The following GLT1D1 variants were observed in gnomAD, a reference collection of about 807,000 sequenced individuals.
GLT1D1 encodes glycosyltransferase 1 domain-containing protein 1.
A neutral mutation model predicts 28.7 loss-of-function variants in GLT1D1; 21 were observed. The observed-to-expected ratio is 0.73, with a 90% CI of 0.52 to 1.05. GLT1D1 has a LOEUF of 1.05. Ranked by LOEUF, GLT1D1 falls within the 50% of genes least tolerant of loss-of-function variation. GLT1D1 has a pLI of 0.00. For synonymous variants in GLT1D1, 147 were observed against 124.8 expected (o/e 1.18, Z -1.19); for missense variants, 343 against 330.6 (o/e 1.04, Z -0.29).
intron 4 of GLT1D1, among the ~76,000 whole-genome samples, chr12:128,911,082 G>C (rs887964955): frequency 2.6e-5 from 4 of 152,080 alleles, no homozygotes; most frequent in African/African-American, 9.7e-5. Context: ...GGCGCATGCC[G>C]CCACACCCGG....
intron 3 of GLT1D1, among the ~76,000 whole-genome samples, chr12:128,889,166 C>G (rs1223467655): frequency 2.0e-5 from 3 of 152,066 alleles, no homozygotes; most frequent in Non-Finnish European, 4.4e-5. Flanking sequence ...ATGTAGAAAA[C>G]ACGAATCACA....
At chr12:128,886,615 C>CAG (rs75130933) in intron 2 of GLT1D1, among the ~76,000 whole-genome samples, 29,664 of 151,998 alleles carry the variant, frequency 0.2, 3,437 homozygotes, top group Admixed American at 0.27. Context: ...CCTCCATGTC[C>CAG]AGAGCCATCA....
chr12:128,931,669 C>T (rs1476780288), intron 4 of GLT1D1, among the ~76,000 whole-genome samples: 6 of 152,158 alleles, frequency 3.9e-5, no homozygotes, highest in Non-Finnish European at 7.3e-5. Flanking sequence ...TTGCCTGCTT[C>T]TGAAAGCACA....
chr12:128,955,058 C>T (rs1225946441), intron 6 of GLT1D1, among the ~76,000 whole-genome samples: 2 of 152,160 alleles, frequency 1.3e-5, no homozygotes, highest in Non-Finnish European at 2.9e-5. Context: ...TCAGGGGAAA[C>T]AGTCAAACAG....
intron 2 of GLT1D1, among the ~76,000 whole-genome samples, chr12:128,881,577 T>A (rs1235629457): frequency 6.9e-5 from 7 of 101,972 alleles, no homozygotes; most frequent in African/African-American, 2.2e-4. Flanking sequence ...TATATATATA[T>A]ATATATATAT....
intron 4 of GLT1D1, among the ~76,000 whole-genome samples, chr12:128,910,280 T>C (rs1324151778): frequency 2.0e-5 from 3 of 151,410 alleles, no homozygotes; most frequent in Non-Finnish European, 4.4e-5. Flanking sequence ...TTTTTTTTTT[T>C]TTTTTGGTGG....
chr12:128,922,835 A>C (rs1370070448), intron 4 of GLT1D1, among the ~76,000 whole-genome samples: 1 of 150,942 alleles, frequency 6.6e-6, no homozygotes, highest in Non-Finnish European at 1.5e-5. Flanking sequence ...AGGCAGGAGA[A>C]TCGCTTGAAC....
At chr12:128,908,897 C>T (rs573967326) in intron 4 of GLT1D1, among the ~76,000 whole-genome samples, 9 of 152,134 alleles carry the variant, frequency 5.9e-5, no homozygotes, top group South Asian at 2.1e-4. Flanking sequence ...TGCAGTGAGC[C>T]GAGATCGCGC....
intron 5 of GLT1D1, 94 bp from the exon 10 acceptor site, chr12:128,947,244 G>C: frequency 1.4e-6 from 2 of 1,420,456 alleles, no homozygotes; most frequent in Non-Finnish European, 9.9e-7. Context: ...TGCTGATCTA[G>C]AGTATTACAC....
intron 7 of GLT1D1, among the ~76,000 whole-genome samples, chr12:128,964,194 C>T (rs1878235011): frequency 6.6e-6 from 1 of 152,212 alleles, no homozygotes; most frequent in Non-Finnish European, 1.5e-5. Context: ...CCAGCCTGGC[C>T]AACATGGAGA....
At chr12:128,863,581 T>C (rs1956433781) in intron 1 of GLT1D1, among the ~76,000 whole-genome samples, 1 of 152,114 alleles carries the variant, frequency 6.6e-6, no homozygotes, top group African/African-American at 2.4e-5. Context: ...TTTCACCATG[T>C]TGGTCAGGCT....
At chr12:128,942,969 G>C (rs60824871) in intron 4 of GLT1D1, among the ~76,000 whole-genome samples, 2 of 151,936 alleles carry the variant, frequency 1.3e-5, no homozygotes, top group Admixed American at 6.6e-5. Flanking sequence ...GGATAGTCTC[G>C]ATCTCCTGAC....
At chr12:128,860,666 A>G (rs551043019) in intron 1 of GLT1D1, among the ~76,000 whole-genome samples, 2 of 152,154 alleles carry the variant, frequency 1.3e-5, no homozygotes, top group Non-Finnish European at 1.5e-5. Context: ...TCCAGTGTGG[A>G]CTCGATCCTT....
intron 7 of GLT1D1, among the ~76,000 whole-genome samples, chr12:128,977,567 G>T (rs1879883452): frequency 6.6e-6 from 1 of 152,130 alleles, no homozygotes. Flanking sequence ...GCGGCAACCA[G>T]CATAGGCCTG....
chr12:128,857,941 G>A (rs757555860), intron 1 of GLT1D1, among the ~76,000 whole-genome samples: 68 of 152,320 alleles, frequency 4.5e-4, no homozygotes, highest in African/African-American at 1.6e-3. Context: ...TCAGAGGTCA[G>A]GGAAAGCCTT....
chr12:128,913,377 C>T (rs1051757967), intron 4 of GLT1D1, among the ~76,000 whole-genome samples: 3 of 152,104 alleles, frequency 2.0e-5, no homozygotes, highest in Admixed American at 1.3e-4. Flanking sequence ...CCCCCCACCA[C>T]GCCCAGCTAA....
At chr12:128,888,576 G>A in intron 2 of GLT1D1, 63 bp from the exon 3 acceptor site, 1 of 1,053,914 alleles carries the variant, frequency 9.5e-7, no homozygotes, top group Non-Finnish European at 1.4e-6. Context: ...CCTTGCTTGG[G>A]AATGGTTGGT....
intron 7 of GLT1D1, among the ~76,000 whole-genome samples, chr12:128,968,156 T>G (rs773470498): frequency 6.6e-6 from 1 of 151,996 alleles, no homozygotes; most frequent in Admixed American, 6.5e-5. Flanking sequence ...CCACCACACC[T>G]GGCTAATTTT....
chr12:128,933,493 GT>G (rs1249317469), intron 4 of GLT1D1, among the ~76,000 whole-genome samples: 76 of 152,334 alleles, frequency 5.0e-4, no homozygotes, highest in African/African-American at 1.7e-3. Flanking sequence ...AGAAATGCTT[GT>G]TTTTTATTTT....
Sources: gnomAD v4.1 joint callset for allele counts (sites outside exome capture counted in the v4.1 genomes callset) on GRCh38, gnomAD v4.1.1 for gene constraint, MANE v1.5 for transcripts, NCBI Gene and HGNC (gene_info 2026-07-23, HGNC 2026-07-21) for gene names.